The following ARHGAP19 variants were observed in gnomAD, a reference collection of about 807,000 sequenced individuals.
ARHGAP19 encodes rho GTPase-activating protein 19.
ARHGAP19 carries 48 observed loss-of-function variants against 60.9 expected under a neutral mutation model. The observed-to-expected ratio is 0.79, with a 90% CI of 0.62 to 1.00. The LOEUF (loss-of-function observed/expected upper bound fraction) is 1.00. Ranked by LOEUF, ARHGAP19 falls within the 50% of genes least tolerant of loss-of-function variation. The pLI is 0.00. For missense variants in ARHGAP19, 562 were observed against 597.2 expected (o/e 0.94, Z 0.61); for synonymous variants, 209 against 215.5 (o/e 0.97, Z 0.27).
Position 97,222,961 on chromosome 10 carries a change from C to T in ARHGAP19, c.*3161G>A, listed in dbSNP as rs1850831507. Reference sequence around the variant, plus strand: ...CCCAGTGACCACAGGTTCTCCTAGACGGCAGTATTTTCAACTGCATGCTAA... The same window carrying T: ...CCCAGTGACCACAGGTTCTCCTAGATGGCAGTATTTTCAACTGCATGCTAA... On this transcript the variant is annotated 3_prime_UTR_variant, in exon 12 of 12. Coordinates refer to ENST00000358531, the MANE Select transcript of ARHGAP19 (RefSeq NM_032900.6). 2 of 152,162 alleles carry T rather than the reference C, an allele frequency of 1.3e-5. No individual in the cohort carries two copies. The highest frequency in any genetic ancestry group is 1.9e-4 in the East Asian group (1 of 5,196). The allele number at this position is 152,162 out of a possible 1,614,324, so 9.4% of individuals were successfully genotyped here. A position where few individuals can be genotyped will look rare whatever the true frequency, so the allele number is the denominator to read the frequency against.
intron 8 of ARHGAP19, among the ~76,000 whole-genome samples, chr10:97,239,266 G>A (rs570351573): frequency 1.3e-5 from 2 of 152,136 alleles, no homozygotes; most frequent in Non-Finnish European, 2.9e-5. Flanking sequence ...AGGCCGAGGT[G>A]GGGGGATCAC....
At chr10:97,292,036 A>G (rs1274210179) in intron 1 of ARHGAP19, among the ~76,000 whole-genome samples, 1 of 152,204 alleles carries the variant, frequency 6.6e-6, no homozygotes, top group Non-Finnish European at 1.5e-5. Flanking sequence ...GCTAGCTTTA[A>G]ATGGATTGTC....
chr10:97,238,203 T>C (rs1422564558), intron 8 of ARHGAP19, among the ~76,000 whole-genome samples: 1 of 152,096 alleles, frequency 6.6e-6, no homozygotes, highest in Admixed American at 6.6e-5. Context: ...GTCTTCAGTT[T>C]TGGAGTTTTT....
At chr10:97,232,472 T>A (rs565394675) in intron 9 of ARHGAP19, among the ~76,000 whole-genome samples, 7 of 152,210 alleles carry the variant, frequency 4.6e-5, no homozygotes, top group African/African-American at 1.7e-4. Context: ...CTCTGCCCAC[T>A]CTTTAATGAG....
chr10:97,242,448 CT>C (rs1278343680), intron 8 of ARHGAP19, among the ~76,000 whole-genome samples: 1 of 151,472 alleles, frequency 6.6e-6, no homozygotes, highest in Non-Finnish European at 1.5e-5. Context: ...ATTCTCCTGC[CT>C]CAGCCTCCGG....
intron 8 of ARHGAP19, among the ~76,000 whole-genome samples, chr10:97,236,273 AG>A (rs1241779546): frequency 6.6e-6 from 1 of 152,122 alleles, no homozygotes; most frequent in East Asian, 1.9e-4. Flanking sequence ...CACCACACCC[AG>A]CCTCTTCTGC....
intron 1 of ARHGAP19, among the ~76,000 whole-genome samples, chr10:97,278,603 T>TA (rs1208508096): frequency 6.6e-6 from 1 of 152,118 alleles, no homozygotes; most frequent in African/African-American, 2.4e-5. Flanking sequence ...TTTATCAATC[T>TA]AGTAATACTA....
At chr10:97,284,771 T>C (rs577988198) in intron 1 of ARHGAP19, among the ~76,000 whole-genome samples, 1 of 150,410 alleles carries the variant, frequency 6.6e-6, no homozygotes, top group Non-Finnish European at 1.5e-5. Context: ...CCTCCCAAAG[T>C]GGTAGGATTA....
intron 1 of ARHGAP19, among the ~76,000 whole-genome samples, chr10:97,269,892 C>T (rs2134898326): frequency 6.6e-6 from 1 of 152,310 alleles, no homozygotes; most frequent in East Asian, 1.9e-4. Context: ...AGGATTCTAA[C>T]ACTTTCAACA....
chr10:97,272,090 C>T (rs1842965221), intron 1 of ARHGAP19, among the ~76,000 whole-genome samples: 1 of 145,138 alleles, frequency 6.9e-6, no homozygotes, highest in Admixed American at 6.9e-5. Flanking sequence ...GGTTTTATAT[C>T]AAGGTTGTTC....
chr10:97,261,898 CTATT>C (rs1842834380), intron 4 of ARHGAP19, among the ~76,000 whole-genome samples: 1 of 152,066 alleles, frequency 6.6e-6, no homozygotes, highest in Non-Finnish European at 1.5e-5. Context: ...TATGAAGAAA[CTATT>C]TATGAGCTGA....
At chr10:97,247,383 T>C (rs1842578042) in intron 6 of ARHGAP19, among the ~76,000 whole-genome samples, 1 of 152,154 alleles carries the variant, frequency 6.6e-6, no homozygotes, top group Admixed American at 6.6e-5. Flanking sequence ...TGATACTGTC[T>C]TAGTAGATGT....
At chr10:97,270,640 A>G (rs1300593704) in intron 1 of ARHGAP19, 10 of 1,548,694 alleles carry the variant, frequency 6.5e-6, no homozygotes, top group Non-Finnish European at 6.1e-6. Context: ...GGCATTGGTA[A>G]ATCGAAGAGA....
chr10:97,244,334 T>A (rs1453851967), intron 7 of ARHGAP19, among the ~76,000 whole-genome samples, 175 bp from the exon 8 acceptor site: 4 of 152,024 alleles, frequency 2.6e-5, no homozygotes, highest in African/African-American at 9.7e-5. Context: ...TTAATATAGG[T>A]TATATTAATA....
intron 1 of ARHGAP19, among the ~76,000 whole-genome samples, chr10:97,269,935 A>C (rs1842940964): frequency 6.6e-6 from 1 of 152,188 alleles, no homozygotes; most frequent in Non-Finnish European, 1.5e-5. Context: ...ACTGGATCAA[A>C]TACTGTACAT....
intron 9 of ARHGAP19, among the ~76,000 whole-genome samples, chr10:97,233,193 T>C (rs561196601): frequency 6.7e-6 from 1 of 149,266 alleles, no homozygotes; most frequent in East Asian, 1.9e-4. Context: ...TCTACAAACA[T>C]TTAAAAATCA....
At chr10:97,237,595 A>G (rs1412153051) in intron 8 of ARHGAP19, among the ~76,000 whole-genome samples, 1 of 152,136 alleles carries the variant, frequency 6.6e-6, no homozygotes, top group Non-Finnish European at 1.5e-5. Flanking sequence ...AATGGGCTAG[A>G]TGTGGCAGCT....
At chr10:97,261,384 C>G (rs1842828182) in intron 4 of ARHGAP19, among the ~76,000 whole-genome samples, 1 of 152,160 alleles carries the variant, frequency 6.6e-6, no homozygotes, top group Non-Finnish European at 1.5e-5. Flanking sequence ...TGTGCCACGC[C>G]TCAGTATGTT....
At chr10:97,288,962 A>C (rs975691454) in intron 1 of ARHGAP19, among the ~76,000 whole-genome samples, 3 of 150,570 alleles carry the variant, frequency 2.0e-5, no homozygotes, top group African/African-American at 4.9e-5. Context: ...CTACAGGTGC[A>C]TGCCACCATG....
Sources: allele counts gnomAD v4.1 joint callset (sites outside exome capture counted in the v4.1 genomes callset), GRCh38; gene constraint gnomAD v4.1.1; transcripts MANE v1.5; gene names NCBI Gene and HGNC (gene_info 2026-07-23, HGNC 2026-07-21).